Variants in RNF38 observed in about 807,000 individuals in gnomAD.
RNF38 encodes the protein ring finger protein 38.
In RNF38, 15 loss-of-function variants were observed where a neutral mutation model predicts 67.2. That is an observed-to-expected ratio of 0.22 (90% confidence interval 0.15 to 0.34). RNF38 has a LOEUF of 0.34. Among genes scored for constraint, RNF38 ranks in the 10% least tolerant of loss-of-function variants. The pLI, the probability that RNF38 is intolerant of heterozygous loss-of-function variation, is 1.00. For missense variants in RNF38, 524 were observed against 639.9 expected (o/e 0.82, Z 1.95); for synonymous variants, 220 against 218.8 (o/e 1.01, Z -0.05).
chr9:36,352,500 C>G (rs1021129561), intron 8 of RNF38, among the ~76,000 whole-genome samples: 3 of 152,144 alleles, frequency 2.0e-5, no homozygotes, highest in African/African-American at 2.4e-5. Context: ...AAAATCTTAA[C>G]CTTTTCTGCT....
intron 4 of RNF38, among the ~76,000 whole-genome samples, chr9:36,366,493 T>C (rs1225166674): frequency 4.6e-5 from 7 of 152,238 alleles, no homozygotes; most frequent in Admixed American, 6.5e-5. Context: ...CTGATTATTG[T>C]ATATTCATTT....
chr9:36,474,757 A>C (rs1840084008), intron 1 of RNF38, among the ~76,000 whole-genome samples: 1 of 148,442 alleles, frequency 6.7e-6, no homozygotes, highest in African/African-American at 2.5e-5. Flanking sequence ...TATTATCTAG[A>C]TATTTAAAAA....
At chr9:36,362,010 A>T (rs368489504) in intron 4 of RNF38, among the ~76,000 whole-genome samples, 3 of 152,190 alleles carry the variant, frequency 2.0e-5, no homozygotes, top group Non-Finnish European at 4.4e-5. Flanking sequence ...AATTGCGAGA[A>T]GCATCCATCC....
At chr9:36,370,370 T>C (rs1835285368) in intron 3 of RNF38, among the ~76,000 whole-genome samples, 1 of 152,146 alleles carries the variant, frequency 6.6e-6, no homozygotes, top group African/African-American at 2.4e-5. Flanking sequence ...AGCTAACACA[T>C]ACATAAGACA....
At chr9:36,463,734 A>C (rs1486931006) in intron 1 of RNF38, among the ~76,000 whole-genome samples, 1 of 152,214 alleles carries the variant, frequency 6.6e-6, no homozygotes, top group Non-Finnish European at 1.5e-5. Context: ...CTTCCAAATA[A>C]TTGAACCATG....
intron 2 of RNF38, among the ~76,000 whole-genome samples, chr9:36,382,843 CTT>C (rs1836310361): frequency 6.6e-6 from 1 of 152,210 alleles, no homozygotes; most frequent in Non-Finnish European, 1.5e-5. Context: ...AACTCCCAGA[CTT>C]TCTCTACTTG....
rs1451538547 is a variant in RNF38 at position 36,421,094 on chromosome 9, T to C, written n.312+3519A>G. Among the ~76,000 whole-genome samples, 3 of 152,160 alleles carry C rather than the reference T, an allele frequency of 2.0e-5. No homozygotes were observed. The East Asian group carries it at 5.8e-4, about 29-fold the overall frequency. ...CTGTGGTTCCATCCCCAGTCACACATGGATTAGTTAAAAGTGAGAAAACTT... is the reference window on the plus strand; with the variant it reads ...CTGTGGTTCCATCCCCAGTCACACACGGATTAGTTAAAAGTGAGAAAACTT... On this transcript the variant is annotated intron_variant and non_coding_transcript_variant, in intron 2 of 3. Coordinates refer to the RNF38 transcript ENST00000488058.
intron 4 of RNF38, among the ~76,000 whole-genome samples, chr9:36,358,382 C>T (rs997981097): frequency 1.3e-5 from 2 of 152,118 alleles, no homozygotes; most frequent in African/African-American, 2.4e-5. Context: ...AATCTTATTC[C>T]CATCCTACCT....
rs973802125 is a variant in RNF38 at position 36,373,358 on chromosome 9, A to G, written c.356+2576T>C. On this transcript the variant is annotated intron_variant, in intron 3 of 11. Transcript: ENST00000259605. ...CAACATTAAAAACAGAATGCTTAAT[A>G]AACAGTCAAAGAAAAATACATTTAA... is the stretch of plus-strand genomic sequence containing the variant. 5.9e-5 allele frequency among the ~76,000 whole-genome samples: 9 copies of G among 152,350 alleles called. No homozygotes were observed. The South Asian group carries it at 1.2e-3, about 21-fold the overall frequency.
chr9:36,345,168 C>T (rs1833132809), intron 9 of RNF38, among the ~76,000 whole-genome samples: 1 of 152,096 alleles, frequency 6.6e-6, no homozygotes, highest in East Asian at 1.9e-4. Flanking sequence ...AATTGCGTAC[C>T]ACTGCAGCCC....
chr9:36,366,269 A>C (rs1292789217), intron 4 of RNF38, among the ~76,000 whole-genome samples: 1 of 152,218 alleles, frequency 6.6e-6, no homozygotes, highest in Non-Finnish European at 1.5e-5. Flanking sequence ...AAGGAAAGTT[A>C]TTTAAAATCA....
At chr9:36,429,046 A>C (rs1339043184) in intron 1 of RNF38, among the ~76,000 whole-genome samples, 1 of 152,220 alleles carries the variant, frequency 6.6e-6, no homozygotes, top group East Asian at 1.9e-4. Flanking sequence ...CATAGGAATA[A>C]ATAACACAAG....
chr9:36,487,013 G>T (rs1025804379), intron 1 of RNF38, among the ~76,000 whole-genome samples: 3 of 152,128 alleles, frequency 2.0e-5, no homozygotes, highest in Non-Finnish European at 4.4e-5. Context: ...GTGACCTTGG[G>T]CAAGTCACTT....
intron 1 of RNF38, among the ~76,000 whole-genome samples, chr9:36,483,111 G>C (rs1237845140): frequency 2.0e-5 from 3 of 152,140 alleles, no homozygotes; most frequent in Non-Finnish European, 4.4e-5. Context: ...TACCGGCCAG[G>C]CACGGCTGTT....
intron 5 of RNF38, among the ~76,000 whole-genome samples, chr9:36,356,883 A>G (rs144107204): frequency 0.011 from 1,716 of 152,286 alleles, 30 homozygotes; most frequent in African/African-American, 0.039. Flanking sequence ...TAGGATTTTC[A>G]TAAGAGCACA....
chr9:36,423,712 G>C lies in RNF38; in HGVS notation n.312+901C>G, dbSNP rs1236127526. Among the ~76,000 whole-genome samples, 2 of 25,794 alleles carry C rather than the reference G, an allele frequency of 7.8e-5. 1 individual carries two copies. The highest frequency in any genetic ancestry group is 2.3e-4 in the Non-Finnish European group (2 of 8,602). The allele number at this position is 25,794 out of a possible 152,430, so 16.9% of individuals were successfully genotyped here. On this transcript the variant is annotated intron_variant and non_coding_transcript_variant, in intron 2 of 3. Transcript: ENST00000488058. The stretch of plus-strand genomic sequence containing the variant: ...CGCCTGTAATCCCAGCACTTTGGGA[G>C]GCCGAGGCGGGCGGATCACGAGGTC...
chr9:36,365,839 T>C (rs1834911563), intron 4 of RNF38, among the ~76,000 whole-genome samples: 1 of 151,888 alleles, frequency 6.6e-6, no homozygotes, highest in Admixed American at 6.6e-5. Context: ...CTAATTTTTG[T>C]ATTTTTAGTA....
At chr9:36,415,957 CT>C (rs1235295187) in intron 2 of RNF38, among the ~76,000 whole-genome samples, 1 of 151,864 alleles carries the variant, frequency 6.6e-6, no homozygotes, top group African/African-American at 2.4e-5. Flanking sequence ...GAAGGTGGCG[CT>C]TTCAATACAA....
At chr9:36,401,423 T>TA (rs140364267), upstream of RNF38, among the ~76,000 whole-genome samples, 230 of 152,252 alleles carry the variant, frequency 1.5e-3, 1 homozygote, top group African/African-American at 5.4e-3. Context: ...AATCAAACAG[T>TA]AACTGACCTC....
Sources: allele counts gnomAD v4.1 joint callset (sites outside exome capture counted in the v4.1 genomes callset), GRCh38; gene constraint gnomAD v4.1.1; transcripts MANE v1.5; gene names NCBI Gene and HGNC (gene_info 2026-07-23, HGNC 2026-07-21).